Variants in TP63 observed in about 807,000 individuals in gnomAD.
TP63 encodes tumor protein 63.
A neutral mutation model predicts 82.8 loss-of-function variants in TP63; 17 were observed. The observed-to-expected ratio is 0.21, with a 90% CI of 0.14 to 0.31. The LOEUF (loss-of-function observed/expected upper bound fraction) is 0.31, where lower values mean the gene tolerates loss of function less well. TP63 is among the 10% of genes least tolerant of loss of function. TP63 has a pLI of 1.00. For synonymous variants in TP63, 330 were observed against 321.7 expected, an observed-to-expected ratio of 1.03 and a Z score of -0.28; for missense variants, 648 against 895.3, an observed-to-expected ratio of 0.72 and a Z score of 3.52.
intron 1 of TP63, among the ~76,000 whole-genome samples, chr3:189,667,299 C>G (rs996527440): frequency 6.6e-6 from 1 of 151,558 alleles, no homozygotes; most frequent in Non-Finnish European, 1.5e-5. Flanking sequence ...CTCAGCCTCC[C>G]GAGTAGCTGG....
intron 3 of TP63, among the ~76,000 whole-genome samples, chr3:189,755,751 C>T (rs904321142): frequency 3.9e-5 from 6 of 152,224 alleles, no homozygotes; most frequent in African/African-American, 1.4e-4. Flanking sequence ...TTCCCACCAA[C>T]TGTGCAAAAG....
chr3:189,854,721 C>T (rs1282263995), intron 4 of TP63, among the ~76,000 whole-genome samples: 2 of 152,036 alleles, frequency 1.3e-5, no homozygotes, highest in African/African-American at 4.8e-5. Context: ...TTGCTATGTT[C>T]ATGGAAAAGT....
chr3:189,748,341 C>T (rs1436902974), intron 3 of TP63, among the ~76,000 whole-genome samples: 1 of 151,788 alleles, frequency 6.6e-6, no homozygotes, highest in South Asian at 2.1e-4. Context: ...AATATAGTTG[C>T]AGGATACAAA....
At chr3:189,874,390 A>C (rs1718790175) in intron 10 of TP63, among the ~76,000 whole-genome samples, 1 of 152,122 alleles carries the variant, frequency 6.6e-6, no homozygotes, top group African/African-American at 2.4e-5. Flanking sequence ...TGTTTTAATC[A>C]ATATGAATGT....
intron 4 of TP63, among the ~76,000 whole-genome samples, chr3:189,818,463 A>G (rs1274364560): frequency 6.6e-6 from 1 of 152,118 alleles, no homozygotes; most frequent in Non-Finnish European, 1.5e-5. Context: ...ATTTTTATAA[A>G]CTTATCTAGA....
At chr3:189,660,010 T>C (rs528233662) in intron 1 of TP63, among the ~76,000 whole-genome samples, 2 of 152,168 alleles carry the variant, frequency 1.3e-5, no homozygotes, top group South Asian at 4.1e-4. Flanking sequence ...GTTTTCTGAT[T>C]ACTCTGTTGA....
intron 1 of TP63, among the ~76,000 whole-genome samples, chr3:189,679,721 A>G (rs1290764398): frequency 6.6e-6 from 1 of 152,130 alleles, no homozygotes; most frequent in African/African-American, 2.4e-5. Context: ...TAATATAAAG[A>G]AGACTTTCTC....
In TP63 at chr3:189,796,532, C is replaced by T. The variant is rs919230527; in HGVS notation, c.325-11740C>T. Among the ~76,000 whole-genome samples the T allele has an allele frequency of 2.6e-5, 4 of 151,838 alleles. No individual in the cohort carries two copies. The South Asian group carries it at 8.3e-4, about 31-fold the overall frequency. On this transcript the variant is annotated intron_variant, in intron 3 of 13. Coordinates refer to ENST00000264731, the MANE Select transcript of TP63 (RefSeq NM_003722.5). Reference sequence around the variant, plus strand: ...ATAAGGAGACATCTAAGCTAGTACTCATTTCTTTCTCTTTTTTTTACCAAC... The same window carrying T: ...ATAAGGAGACATCTAAGCTAGTACTTATTTCTTTCTCTTTTTTTTACCAAC...
chr3:189,766,630 T>C (rs1722979774), intron 3 of TP63, among the ~76,000 whole-genome samples: 1 of 152,198 alleles, frequency 6.6e-6, no homozygotes, highest in Admixed American at 6.5e-5. Context: ...AACCAGTTCA[T>C]TGGAATGTCT....
At chr3:189,674,639 T>G (rs1715227550) in intron 1 of TP63, among the ~76,000 whole-genome samples, 1 of 152,130 alleles carries the variant, frequency 6.6e-6, no homozygotes, top group African/African-American at 2.4e-5. Flanking sequence ...ATGAAGGCAT[T>G]AACTCCCCTA....
chr3:189,705,645 A>C (rs1035181390), intron 1 of TP63, among the ~76,000 whole-genome samples: 10 of 152,010 alleles, frequency 6.6e-5, no homozygotes, highest in African/African-American at 9.7e-5. Flanking sequence ...AGTTTTAAAG[A>C]ACATATTTAT....
chr3:189,848,818 C>T (rs745362991), intron 4 of TP63, among the ~76,000 whole-genome samples: 1 of 152,166 alleles, frequency 6.6e-6, no homozygotes, highest in Non-Finnish European at 1.5e-5. Context: ...CGTATTTGGA[C>T]TTTGTCCAAG....
chr3:189,863,036 G>C (rs1717231949), intron 4 of TP63, among the ~76,000 whole-genome samples: 2 of 152,212 alleles, frequency 1.3e-5, no homozygotes, highest in Admixed American at 1.3e-4. Flanking sequence ...TTTTAAATGT[G>C]TGATTTTTGT....
chr3:189,852,778 T>C (rs1207015520), intron 4 of TP63, among the ~76,000 whole-genome samples: 2 of 152,166 alleles, frequency 1.3e-5, no homozygotes, highest in East Asian at 3.9e-4. Context: ...TCTTGTGACA[T>C]CCAAGGCTCC....
At chr3:189,629,720 G>C (rs1396135017), upstream of TP63, among the ~76,000 whole-genome samples, 2 of 152,098 alleles carry the variant, frequency 1.3e-5, no homozygotes, top group African/African-American at 4.8e-5. Context: ...GGTGCCTCAC[G>C]GGCACATTAA....
intron 3 of TP63, among the ~76,000 whole-genome samples, chr3:189,743,998 C>T (rs1014938692): frequency 1.6e-4 from 25 of 152,172 alleles, no homozygotes; most frequent in Admixed American, 2.6e-4. Flanking sequence ...TCCCACAAAC[C>T]TCTAAGTCCT....
At chr3:189,859,681 T>C (rs994697436) in intron 4 of TP63, among the ~76,000 whole-genome samples, 1 of 152,148 alleles carries the variant, frequency 6.6e-6, no homozygotes, top group African/African-American at 2.4e-5. Context: ...GCAATCATAT[T>C]CCTAGGTATT....
At chr3:189,636,189 G>A (rs933000914) in intron 1 of TP63, among the ~76,000 whole-genome samples, 1 of 152,092 alleles carries the variant, frequency 6.6e-6, no homozygotes, top group African/African-American at 2.4e-5. Flanking sequence ...TTAGCCAAAA[G>A]CACAATGCCG....
intron 3 of TP63, among the ~76,000 whole-genome samples, chr3:189,741,191 G>T (rs1467765999): frequency 2.8e-5 from 4 of 140,590 alleles, no homozygotes; most frequent in Non-Finnish European, 4.6e-5. Flanking sequence ...ATCTGTGGCT[G>T]CTCTGTCTGT....
Sources: allele counts gnomAD v4.1 joint callset (sites outside exome capture counted in the v4.1 genomes callset), GRCh38; gene constraint gnomAD v4.1.1; transcripts MANE v1.5; gene names NCBI Gene and HGNC (gene_info 2026-07-23, HGNC 2026-07-21).